Variants in CDH12 observed in about 807,000 individuals in gnomAD.
CDH12 encodes the protein cadherin-12.
In CDH12, 41 loss-of-function variants were observed where a neutral mutation model predicts 74.1. The ratio of observed to expected loss-of-function variants is 0.55; its 90% CI spans 0.43 to 0.72. The LOEUF is 0.72. CDH12 is among the 30% of genes least tolerant of loss of function. The pLI is 0.00. For missense variants in CDH12, 945 were observed against 977.2 expected, an observed-to-expected ratio of 0.97 and a Z score of 0.44; for synonymous variants, 399 against 355.0, an observed-to-expected ratio of 1.12 and a Z score of -1.39.
intron 5 of CDH12, among the ~76,000 whole-genome samples, chr5:21,981,633 C>G (rs893329673): frequency 6.6e-6 from 1 of 152,132 alleles, no homozygotes; most frequent in Non-Finnish European, 1.5e-5. Context: ...CCACCAGCTT[C>G]CATCATCTGT....
chr5:22,808,390 C>T (rs1023870682), intron 1 of CDH12, among the ~76,000 whole-genome samples: 2 of 152,094 alleles, frequency 1.3e-5, no homozygotes, highest in African/African-American at 2.4e-5. Context: ...GATACCCTTA[C>T]AGTCCTTTTT....
intron 11 of CDH12, among the ~76,000 whole-genome samples, chr5:21,778,550 A>G (rs1470484602): frequency 7.5e-6 from 1 of 134,022 alleles, no homozygotes; most frequent in Non-Finnish European, 1.5e-5. Flanking sequence ...TAAATTCTTC[A>G]TGACCATATT....
In CDH12 at chr5:22,312,383, G is replaced by A. The variant is rs113074608; in HGVS notation, c.-333+92874C>T. The stretch of plus-strand genomic sequence containing the variant: ...TTAGTTAAAATGTTAGATAACTCTC[G>A]AAAAATGATAATTAAAAAGTAAATA... On this transcript the variant is annotated intron_variant, in intron 3 of 14. Transcript: ENST00000382254. Among the ~76,000 whole-genome samples, 453 of 152,084 alleles carry A rather than the reference G, an allele frequency of 3.0e-3. 4 individuals carry two copies. Among genetic ancestry groups the A allele is most frequent in the African/African-American group, 0.011 (439 of 41,530 alleles).
intron 1 of CDH12, among the ~76,000 whole-genome samples, chr5:22,656,724 CAT>C (rs1172690144): frequency 6.6e-4 from 101 of 152,232 alleles, no homozygotes; most frequent in African/African-American, 2.3e-3. Context: ...CACAAAAAGA[CAT>C]ATTAAAATGT....
chr5:22,505,427 G>T, intron 1 of CDH12, 63 bp from the exon 2 acceptor site: 1 of 582,100 alleles, frequency 1.7e-6, no homozygotes, highest in Non-Finnish European at 2.2e-6. Flanking sequence ...ATTTATTTTA[G>T]AATATTTTTA....
intron 1 of CDH12, among the ~76,000 whole-genome samples, chr5:22,693,764 A>G (rs1742205741): frequency 1.3e-5 from 2 of 151,938 alleles, no homozygotes; most frequent in Admixed American, 1.3e-4. Context: ...GAATTTATAT[A>G]TATATATGTA....
At chr5:21,819,282 A>G (rs186330764) in intron 8 of CDH12, among the ~76,000 whole-genome samples, 180 of 152,176 alleles carry the variant, frequency 1.2e-3, no homozygotes, top group African/African-American at 3.9e-3. Context: ...AGGAAATATA[A>G]GGGTCCCTGA....
At chr5:21,778,342 T>C (rs926924214) in intron 11 of CDH12, among the ~76,000 whole-genome samples, 1 of 152,012 alleles carries the variant, frequency 6.6e-6, no homozygotes, top group South Asian at 2.1e-4. Context: ...AGTTAATGCA[T>C]AGAAAGCTAT....
chr5:22,543,357 T>C (rs757686107), intron 1 of CDH12, among the ~76,000 whole-genome samples: 6 of 152,118 alleles, frequency 3.9e-5, no homozygotes, highest in Non-Finnish European at 8.8e-5. Context: ...AATGCTGTAA[T>C]AGGAACATTT....
At chr5:22,441,907 T>C (rs1292745683) in intron 2 of CDH12, among the ~76,000 whole-genome samples, 1 of 152,088 alleles carries the variant, frequency 6.6e-6, no homozygotes, top group Admixed American at 6.6e-5. Flanking sequence ...TTTCACCATG[T>C]TGACCAGGTT....
At chr5:22,016,209 T>C (rs758670261) in intron 5 of CDH12, among the ~76,000 whole-genome samples, 14 of 152,036 alleles carry the variant, frequency 9.2e-5, no homozygotes, top group Non-Finnish European at 1.5e-4. Context: ...GTATGATCTT[T>C]CTAGGTGGCC....
intron 5 of CDH12, among the ~76,000 whole-genome samples, chr5:22,013,462 A>G (rs1737412770): frequency 6.6e-6 from 1 of 152,188 alleles, no homozygotes; most frequent in South Asian, 2.1e-4. Flanking sequence ...CATTGAGTGA[A>G]TGCATGCATA....
intron 4 of CDH12, among the ~76,000 whole-genome samples, chr5:22,171,628 T>G (rs1366112880): frequency 6.6e-6 from 1 of 151,890 alleles, no homozygotes; most frequent in African/African-American, 2.4e-5. Flanking sequence ...ATATCCCCAC[T>G]TTTTATAGGA....
chr5:21,907,540 C>T (rs1450911807), intron 6 of CDH12, among the ~76,000 whole-genome samples: 1 of 152,146 alleles, frequency 6.6e-6, no homozygotes, highest in Non-Finnish European at 1.5e-5. Context: ...CATATGATTG[C>T]CACAACCAAT....
At chr5:22,487,201 C>T (rs747955272) in intron 2 of CDH12, among the ~76,000 whole-genome samples, 1 of 151,980 alleles carries the variant, frequency 6.6e-6, no homozygotes, top group Non-Finnish European at 1.5e-5. Context: ...GGGGTTTCGT[C>T]ATGTTGGCCA....
At chr5:22,309,948 TA>T (rs36022705) in intron 3 of CDH12, among the ~76,000 whole-genome samples, 3,739 of 82,198 alleles carry the variant, frequency 0.045, 77 homozygotes, top group African/African-American at 0.099. Context: ...TTATCAAGTT[TA>T]AAAAAAAAAA....
At chr5:22,133,892 A>C (rs1211698887) in intron 4 of CDH12, among the ~76,000 whole-genome samples, 3 of 152,042 alleles carry the variant, frequency 2.0e-5, no homozygotes. Context: ...TTTTTCGGTT[A>C]TTCTTATCCA....
At chr5:22,061,916 A>T (rs1741214893) in intron 5 of CDH12, among the ~76,000 whole-genome samples, 1 of 152,180 alleles carries the variant, frequency 6.6e-6, no homozygotes, top group South Asian at 2.1e-4. Flanking sequence ...CTAGAATTAG[A>T]ATCAAAGCTT....
intron 9 of CDH12, among the ~76,000 whole-genome samples, chr5:21,815,221 T>C (rs999623345): frequency 5.3e-5 from 8 of 152,180 alleles, no homozygotes; most frequent in African/African-American, 1.7e-4. Flanking sequence ...TGGAACTAAA[T>C]GCAAAGTATT....
Sources: gnomAD v4.1 joint callset for allele counts (sites outside exome capture counted in the v4.1 genomes callset) on GRCh38, gnomAD v4.1.1 for gene constraint, MANE v1.5 for transcripts, NCBI Gene and HGNC (gene_info 2026-07-23, HGNC 2026-07-21) for gene names.